DIAPH2: variants seen among roughly 807,000 people sequenced by gnomAD.
DIAPH2 encodes the protein diaphanous related formin 2, also known as protein diaphanous homolog 2.
A neutral mutation model predicts 92.7 loss-of-function variants in DIAPH2; 35 were observed. That is an observed-to-expected ratio of 0.38 (90% CI 0.29 to 0.50). The LOEUF is 0.50. Ranked by LOEUF, DIAPH2 falls within the 20% of genes least tolerant of loss-of-function variation. DIAPH2 has a pLI of 0.94. For synonymous variants in DIAPH2, 301 were observed against 280.4 expected (o/e 1.07, Z -0.73); for missense variants, 701 against 819.5 (o/e 0.86, Z 1.77).
intron 26 of DIAPH2, among the ~76,000 whole-genome samples, chrX:97,588,342 T>C (rs1470616482): frequency 8.9e-6 from 1 of 111,979 alleles, no homozygotes; most frequent in Non-Finnish European, 1.9e-5. Context: ...TAAGAAAGAA[T>C]ATAATGCTTA....
At chrX:96,759,847 C>G (rs1337171401) in intron 4 of DIAPH2, among the ~76,000 whole-genome samples, 1 of 111,585 alleles carries the variant, frequency 9.0e-6, no homozygotes, top group Admixed American at 9.5e-5. Context: ...CATTTATTCT[C>G]ATATTATTTC....
chrX:97,147,346 AT>A (rs776677880), intron 22 of DIAPH2, among the ~76,000 whole-genome samples: 13 of 109,573 alleles, frequency 1.2e-4, no homozygotes, highest in Admixed American at 3.9e-4. Flanking sequence ...AACCACAATT[AT>A]TTTTTTCCCC....
chrX:97,152,500 A>G (rs1468176300), intron 22 of DIAPH2, among the ~76,000 whole-genome samples: 1 of 111,979 alleles, frequency 8.9e-6, no homozygotes, highest in Non-Finnish European at 1.9e-5. Flanking sequence ...AAAGAAAAAA[A>G]TTTATTTCTT....
intron 1 of DIAPH2, among the ~76,000 whole-genome samples, chrX:96,731,342 G>T (rs2064054292): frequency 9.0e-6 from 1 of 111,518 alleles, no homozygotes. Flanking sequence ...CTTAAGGAAG[G>T]TAAAGAGTTG....
intron 4 of DIAPH2, among the ~76,000 whole-genome samples, chrX:96,785,329 C>G (rs2064446844): frequency 9.1e-6 from 1 of 110,333 alleles, no homozygotes; most frequent in African/African-American, 3.3e-5. Flanking sequence ...TCTCACAGTT[C>G]TGGAGGCTAG....
chrX:97,476,679 G>T (rs1278447896), intron 26 of DIAPH2, among the ~76,000 whole-genome samples: 2 of 109,130 alleles, frequency 1.8e-5, no homozygotes, highest in Non-Finnish European at 3.8e-5. Flanking sequence ...AATATACATG[G>T]CCGGGCGCCG....
At chrX:96,779,065 A>T (rs914038115) in intron 4 of DIAPH2, among the ~76,000 whole-genome samples, 1 of 112,230 alleles carries the variant, frequency 8.9e-6, no homozygotes, top group Non-Finnish European at 1.9e-5. Flanking sequence ...TGTTGATGAG[A>T]TTCTTGCCTG....
intron 19 of DIAPH2, among the ~76,000 whole-genome samples, chrX:97,089,424 A>G (rs763250353): frequency 8.9e-6 from 1 of 111,841 alleles, no homozygotes; most frequent in Non-Finnish European, 1.9e-5. Flanking sequence ...GTGGCACAGT[A>G]AGCAGTCATA....
chrX:97,055,333 C>A (rs1329757322), intron 17 of DIAPH2, among the ~76,000 whole-genome samples: 1 of 111,116 alleles, frequency 9.0e-6, no homozygotes, highest in Non-Finnish European at 1.9e-5. Context: ...CTAAACAGGG[C>A]AGTAGAAATT....
In DIAPH2 at chrX:97,603,711, T is replaced by TTAGA. The variant is rs1234038556; in HGVS notation, c.*4401_*4404dup. On this transcript the variant is annotated 3_prime_UTR_variant, in exon 27 of 27. Transcript: ENST00000324765. ...TTTTCACACTACTGTAGTAGACAAT[T>TTAGA]TAGATAGATAAACTTTTTGCCACTA... 2 of 112,529 alleles carry TTAGA rather than the reference T, an allele frequency of 1.8e-5. No homozygotes were observed. Among genetic ancestry groups the TTAGA allele is most frequent in the African/African-American group, 3.2e-5 (1 of 30,995 alleles). 9.3% of individuals were successfully genotyped at this position (112,529 alleles called of 1,213,427 possible).
intron 17 of DIAPH2, among the ~76,000 whole-genome samples, chrX:96,982,369 G>A (rs1310871415): frequency 1.8e-5 from 2 of 112,164 alleles, no homozygotes; most frequent in Non-Finnish European, 3.8e-5. Flanking sequence ...TAGTTCCTCC[G>A]TTAGAATGGC....
intron 1 of DIAPH2, among the ~76,000 whole-genome samples, chrX:96,728,824 C>A (rs1398768757): frequency 8.9e-6 from 1 of 112,497 alleles, no homozygotes; most frequent in African/African-American, 3.2e-5. Flanking sequence ...GAAGAACTTT[C>A]ATGTCTACAC....
intron 17 of DIAPH2, among the ~76,000 whole-genome samples, chrX:97,024,627 A>G (rs1015120114): frequency 2.7e-5 from 3 of 112,380 alleles, no homozygotes; most frequent in Non-Finnish European, 5.6e-5. Context: ...AGTAGCAGAC[A>G]TGAATAGATT....
intron 5 of DIAPH2, among the ~76,000 whole-genome samples, chrX:96,887,520 C>T (rs233214): frequency 0.49 from 53,354 of 109,628 alleles, 10,693 homozygotes; most frequent in African/African-American, 0.77. Flanking sequence ...CACAGGCTTA[C>T]GAAATGTATG....
chrX:97,260,670 C>T (rs1299228426), intron 23 of DIAPH2, among the ~76,000 whole-genome samples: 2 of 111,899 alleles, frequency 1.8e-5, no homozygotes, highest in Non-Finnish European at 3.8e-5. Context: ...CTTAACTTTT[C>T]TCCCCCAAAA....
At chrX:96,960,643 G>A (rs1238413081) in intron 16 of DIAPH2, among the ~76,000 whole-genome samples, 2 of 111,296 alleles carry the variant, frequency 1.8e-5, no homozygotes, top group Non-Finnish European at 3.8e-5. Flanking sequence ...ATGTTGAATA[G>A]GAATGGTGAA....
intron 17 of DIAPH2, among the ~76,000 whole-genome samples, chrX:97,057,151 A>T (rs1602310824): frequency 8.9e-6 from 1 of 111,942 alleles, no homozygotes; most frequent in East Asian, 2.8e-4. Flanking sequence ...ATGTGGCAAA[A>T]GGAGATGTGG....
chrX:97,443,673 C>T (rs1373922435), intron 26 of DIAPH2, among the ~76,000 whole-genome samples: 1 of 111,936 alleles, frequency 8.9e-6, no homozygotes, highest in Non-Finnish European at 1.9e-5. Context: ...TTCACGTGAC[C>T]TTTCTACTCA....
At chrX:96,867,866 A>G (rs2065115552) in intron 4 of DIAPH2, among the ~76,000 whole-genome samples, 1 of 112,060 alleles carries the variant, frequency 8.9e-6, no homozygotes, top group African/African-American at 3.2e-5. Flanking sequence ...TGTTAACTTT[A>G]AATATTTTAA....
Sources: allele counts gnomAD v4.1 joint callset (sites outside exome capture counted in the v4.1 genomes callset), GRCh38; gene constraint gnomAD v4.1.1; transcripts MANE v1.5; gene names NCBI Gene and HGNC (gene_info 2026-07-23, HGNC 2026-07-21).